Variants in GALK2 observed in about 807,000 individuals in gnomAD.
The protein encoded by GALK2 is N-acetylgalactosamine kinase.
Under a neutral mutation model 52.4 loss-of-function variants are expected in GALK2, and 36 were observed. The ratio of observed to expected loss-of-function variants is 0.69; its 90% CI spans 0.53 to 0.91. GALK2 has a LOEUF of 0.91. Among genes scored for constraint, GALK2 ranks in the 40% least tolerant of loss-of-function variants. The pLI is 0.00. For synonymous variants in GALK2, 176 were observed against 199.1 expected (o/e 0.88, Z 0.98); for missense variants, 579 against 559.1 (o/e 1.04, Z -0.36).
intron 8 of GALK2, among the ~76,000 whole-genome samples, chr15:49,314,848 G>A (rs913613129): frequency 1.3e-5 from 2 of 152,222 alleles, no homozygotes; most frequent in African/African-American, 2.4e-5. Flanking sequence ...TGACATCTGA[G>A]TGTTGAACCA....
At chr15:49,157,778 A>G (rs1363325367) in intron 1 of GALK2, among the ~76,000 whole-genome samples, 3 of 152,178 alleles carry the variant, frequency 2.0e-5, no homozygotes, top group Non-Finnish European at 4.4e-5. Context: ...ATTTTAGCAA[A>G]CTTATTAGCA....
chr15:49,155,819 G>T (rs1190739994), exon 1 of GALK2: 6 of 724,194 alleles, frequency 8.3e-6, no homozygotes, highest in South Asian at 5.3e-5. Flanking sequence ...CTGGGACATC[G>T]TCCGGTGCTG....
intron 3 of GALK2, chr15:49,365,730 A>G (rs143703396): frequency 4.5e-6 from 4 of 880,894 alleles, no homozygotes; most frequent in Non-Finnish European, 5.8e-6. Flanking sequence ...TCTCCAAGAT[A>G]TCTTGTAAAA....
chr15:49,308,015 C>A (rs931423954), intron 8 of GALK2, among the ~76,000 whole-genome samples: 2 of 152,122 alleles, frequency 1.3e-5, no homozygotes, highest in African/African-American at 4.8e-5. Context: ...TGGGTTTGAC[C>A]ATTTCAGAAG....
At chr15:49,170,405 A>G in intron 1 of GALK2, 30 bp downstream of exon 1, 1 of 1,567,508 alleles carries the variant, frequency 6.4e-7, no homozygotes, top group Non-Finnish European at 8.6e-7. Context: ...GGGCTTTGGG[A>G]TCTGCTGGGT....
At chr15:49,169,272 A>G (rs1414439036), upstream of GALK2, 1 of 152,092 alleles carries the variant, frequency 6.6e-6, no homozygotes, top group Non-Finnish European at 1.5e-5. Context: ...TTCCTTAATC[A>G]GGAAACTTTG....
intron 2 of GALK2, among the ~76,000 whole-genome samples, chr15:49,209,706 T>C (rs1457643888): frequency 6.6e-6 from 1 of 152,186 alleles, no homozygotes; most frequent in African/African-American, 2.4e-5. Flanking sequence ...TGGTATATAA[T>C]CTTTTTATGG....
rs185912155 is a variant in GALK2, at chr15:49,299,991, T to C, written c.967+7454T>C. 5.7e-4 allele frequency among the ~76,000 whole-genome samples: 86 copies of C among 151,950 alleles called. 1 individual carries two copies. The highest frequency in any genetic ancestry group is 4.8e-3 in the Admixed American group (73 of 15,228). On this transcript the variant is annotated intron_variant, in intron 8 of 9. Transcript: ENST00000560031. ...TGGTCAAGTGCTGAGTTTAAGTCCC[T>C]AATATCTTTGTTAGTTTTCTGCCTG...
intron 5 of GALK2, among the ~76,000 whole-genome samples, chr15:49,239,616 A>G (rs2090998106): frequency 6.6e-6 from 1 of 152,350 alleles, no homozygotes; most frequent in South Asian, 2.1e-4. Flanking sequence ...ATTTGAATGT[A>G]TGGATATCAT....
chr15:49,171,085 T>TC (rs2085056130), intron 1 of GALK2, among the ~76,000 whole-genome samples: 1 of 140,548 alleles, frequency 7.1e-6, no homozygotes, highest in African/African-American at 2.9e-5. Flanking sequence ...TCTTTTTCTT[T>TC]TTTTTTTTTT....
At chr15:49,272,628 A>T (rs1187051932) in intron 5 of GALK2, among the ~76,000 whole-genome samples, 4 of 152,180 alleles carry the variant, frequency 2.6e-5, no homozygotes, top group Non-Finnish European at 5.9e-5. Flanking sequence ...TCATGTTAAT[A>T]TTTTAACAGT....
downstream of GALK2, among the ~76,000 whole-genome samples, chr15:49,333,348 C>G (rs539692209): frequency 6.6e-6 from 1 of 152,114 alleles, no homozygotes; most frequent in East Asian, 1.9e-4. Context: ...TTAACAAGCA[C>G]GTGAGATTTA....
intron 8 of GALK2, among the ~76,000 whole-genome samples, chr15:49,303,327 T>G (rs941450973): frequency 2.8e-4 from 42 of 152,288 alleles, no homozygotes; most frequent in African/African-American, 8.9e-4. Context: ...TCATAAAACT[T>G]GCAACTTCTG....
At chr15:49,345,953 G>T (rs112749765) in intron 3 of GALK2, among the ~76,000 whole-genome samples, 1 of 152,050 alleles carries the variant, frequency 6.6e-6, no homozygotes, top group Non-Finnish European at 1.5e-5. Flanking sequence ...GGCAAATTTC[G>T]TACTTATCTG....
chr15:49,159,485 A>G (rs953817890), intron 1 of GALK2, among the ~76,000 whole-genome samples: 1 of 151,752 alleles, frequency 6.6e-6, no homozygotes, highest in Non-Finnish European at 1.5e-5. Context: ...CTGAGGCAGG[A>G]GAATCTTTTG....
intron 5 of GALK2, among the ~76,000 whole-genome samples, chr15:49,261,517 G>A (rs2092109146): frequency 2.6e-5 from 4 of 152,118 alleles, no homozygotes; most frequent in African/African-American, 9.7e-5. Context: ...CCGCAAACAG[G>A]GACAATTTGA....
intron 2 of GALK2, among the ~76,000 whole-genome samples, chr15:49,216,159 C>T (rs2089352202): frequency 6.6e-6 from 1 of 152,120 alleles, no homozygotes; most frequent in African/African-American, 2.4e-5. Context: ...ACAGCTGGCA[C>T]TGTGCTAGGT....
chr15:49,247,498 C>T (rs2141550541), intron 5 of GALK2, among the ~76,000 whole-genome samples: 1 of 152,240 alleles, frequency 6.6e-6, no homozygotes, highest in Non-Finnish European at 1.5e-5. Context: ...CCTTATGGAA[C>T]TTAAATGCAT....
At chr15:49,322,319 T>C (rs2036941717) in intron 9 of GALK2, among the ~76,000 whole-genome samples, 1 of 152,244 alleles carries the variant, frequency 6.6e-6, no homozygotes, top group South Asian at 2.1e-4. Flanking sequence ...AGTATCAAAG[T>C]TATTTTCTAC....
Sources: allele counts gnomAD v4.1 joint callset (sites outside exome capture counted in the v4.1 genomes callset), GRCh38; gene constraint gnomAD v4.1.1; transcripts MANE v1.5; gene names NCBI Gene and HGNC (gene_info 2026-07-23, HGNC 2026-07-21).